The following ZNF469 variants were observed in gnomAD, a reference collection of about 807,000 sequenced individuals.
The protein encoded by ZNF469 is zinc finger protein 469.
A neutral mutation model predicts 1.0 loss-of-function variants in ZNF469; 1 was observed. The ratio of observed to expected loss-of-function variants is 1.00; its 90% confidence interval spans 0.35 to 4.73. The LOEUF (loss-of-function observed/expected upper bound fraction) is 4.73, where lower values mean the gene tolerates loss of function less well. ZNF469 is among the 30% of genes most tolerant of loss of function. The probability of loss-of-function intolerance (pLI) is 0.16; values close to 1 mark genes in which losing one functional copy is unlikely to be tolerated. For synonymous variants in ZNF469, 2,703 were observed against 2,363.4 expected (o/e 1.14, Z -4.17); for missense variants, 6,100 against 5,356.3 (o/e 1.14, Z -4.33).
Position 88,430,092 on chromosome 16 carries a change from C to T in ZNF469, c.2622C>T (p.Ser874=), listed in dbSNP as rs1906029557. The change falls in exon 3 of 3, where the codon TCC becomes TCT. Residue 874 remains serine, a synonymous_variant. Transcript: ENST00000565624. The part of the protein sequence containing the change: ...FIDVFADEEP[S]GPRGPSSGHP... Reference sequence around the variant, plus strand: ...ACGTCTTCGCGGACGAGGAGCCTTCCGGCCCCAGAGGTCCCAGCTCCGGAC... The same window carrying T: ...ACGTCTTCGCGGACGAGGAGCCTTCTGGCCCCAGAGGTCCCAGCTCCGGAC... 1 of 1,542,414 alleles carries T rather than the reference C, an allele frequency of 6.5e-7. No homozygotes were observed. Among genetic ancestry groups the T allele is most frequent in the African/African-American group, 1.5e-5 (1 of 66,218 alleles).
At chr16:88,394,882 G>A (rs1260648177) in intron 1 of ZNF469, among the ~76,000 whole-genome samples, 2 of 152,066 alleles carry the variant, frequency 1.3e-5, no homozygotes, top group Non-Finnish European at 2.9e-5. Context: ...CACTGGGCAG[G>A]CACCCAATCC....
At chr16:88,130,236 C>T in the ZNF469 span, among the ~76,000 whole-genome samples, 5 of 152,236 alleles carry the variant, frequency 3.3e-5, no homozygotes, top group Admixed American at 1.3e-4. Context: ...CCTCAAAAGC[C>T]GGGGTCGAGG....
chr16:88,264,240 G>A, the ZNF469 span, among the ~76,000 whole-genome samples: 27 of 151,654 alleles, frequency 1.8e-4, no homozygotes, highest in South Asian at 6.2e-4. Context: ...CTCCCACACC[G>A]AAACCCACAG....
the ZNF469 span, among the ~76,000 whole-genome samples, chr16:88,241,574 T>G: frequency 6.6e-6 from 1 of 152,098 alleles, no homozygotes; most frequent in Non-Finnish European, 1.5e-5. This position sits in a 1 kb window ranked among gnomAD's most constrained non-coding sequence, Gnocchi z 4.8. Flanking sequence ...TCCCTTGCAC[T>G]CATGACAGGC....
At chr16:88,113,795 G>A in the ZNF469 span, among the ~76,000 whole-genome samples, 11 of 152,310 alleles carry the variant, frequency 7.2e-5, no homozygotes, top group Admixed American at 1.3e-4. Context: ...GACACCCCCC[G>A]GTGCAGGCTG....
chr16:88,381,373 C>G (rs933272268), upstream of ZNF469, among the ~76,000 whole-genome samples: 8 of 139,060 alleles, frequency 5.8e-5, no homozygotes, highest in South Asian at 2.5e-4. Flanking sequence ...TGCACTCACA[C>G]ACAGAGACAT....
At chr16:88,187,189 G>C in the ZNF469 span, among the ~76,000 whole-genome samples, 2 of 151,966 alleles carry the variant, frequency 1.3e-5, no homozygotes, top group African/African-American at 4.8e-5. Context: ...AGCGGGTGGC[G>C]CAGGTTGGGG....
rs372569052 is a variant in ZNF469, at chr16:88,440,439, C to G, written c.*1107C>G. Reference sequence around the variant, plus strand: ...GGACGCACGTGTCCTCTCACAGCGTCGTGCCTGTGAAGGTGGGTCAAAGGG... The same window carrying G: ...GGACGCACGTGTCCTCTCACAGCGTGGTGCCTGTGAAGGTGGGTCAAAGGG... On this transcript the variant is annotated 3_prime_UTR_variant, in exon 3 of 3. Coordinates refer to ENST00000565624, the MANE Select transcript of ZNF469 (RefSeq NM_001367624.2). 1 of 152,120 alleles carries G rather than the reference C, an allele frequency of 6.6e-6. No homozygotes were observed. The highest frequency in any genetic ancestry group is 2.1e-4 in the South Asian group (1 of 4,830). 9.4% of individuals were successfully genotyped at this position (152,120 alleles called of 1,614,324 possible).
chr16:88,312,477 T>A, the ZNF469 span, among the ~76,000 whole-genome samples: 1 of 152,230 alleles, frequency 6.6e-6, no homozygotes. Flanking sequence ...TCTCCCCAAT[T>A]CTTCACTTGC....
the ZNF469 span, among the ~76,000 whole-genome samples, chr16:88,284,526 G>A: frequency 2.0e-5 from 3 of 149,852 alleles, no homozygotes; most frequent in Admixed American, 6.7e-5. Flanking sequence ...TGGGAGGATC[G>A]CTTGAGCCCA....
At chr16:88,160,990 C>G in the ZNF469 span, among the ~76,000 whole-genome samples, 1 of 152,046 alleles carries the variant, frequency 6.6e-6, no homozygotes, top group Non-Finnish European at 1.5e-5. Flanking sequence ...ATTAAAAATA[C>G]AAAAATTAGC....
intron 1 of ZNF469, among the ~76,000 whole-genome samples, chr16:88,407,007 A>G (rs1213166575): frequency 6.6e-6 from 1 of 152,196 alleles, no homozygotes; most frequent in African/African-American, 2.4e-5. Flanking sequence ...ATGTTTTAAG[A>G]GACCAGGAGA....
the ZNF469 span, among the ~76,000 whole-genome samples, chr16:88,375,230 C>G: frequency 1.3e-5 from 2 of 152,228 alleles, no homozygotes; most frequent in Non-Finnish European, 2.9e-5. Context: ...AGTTCACCTC[C>G]ATCCGGACTC....
chr16:88,350,095 G>A, the ZNF469 span, among the ~76,000 whole-genome samples: 2 of 152,146 alleles, frequency 1.3e-5, no homozygotes, highest in Non-Finnish European at 2.9e-5. Flanking sequence ...GAGAAGGGCA[G>A]TTCCTCCCGC....
chr16:88,410,954 G>A (rs1197537735), intron 1 of ZNF469, among the ~76,000 whole-genome samples: 10 of 152,156 alleles, frequency 6.6e-5, no homozygotes, highest in Middle Eastern at 3.4e-3. Flanking sequence ...GCTCGTGGCC[G>A]CCTCACTCCA....
At chr16:88,293,782 A>T in the ZNF469 span, among the ~76,000 whole-genome samples, 1 of 152,104 alleles carries the variant, frequency 6.6e-6, no homozygotes, top group Non-Finnish European at 1.5e-5. Context: ...TACAGTGTCC[A>T]ATTAGGATGG....
the ZNF469 span, among the ~76,000 whole-genome samples, chr16:88,212,233 C>T: frequency 7.9e-5 from 12 of 152,300 alleles, no homozygotes; most frequent in South Asian, 8.3e-4. Flanking sequence ...TTGTTCCAAA[C>T]GGATTGCCCC....
chr16:88,437,819 T>C lies in ZNF469; in HGVS notation c.10349T>C (p.Phe3450Ser). The part of the protein sequence containing the change: ...HLRGGRQPFA[F>S]RGVRRPGAPG... Reference sequence around the variant, plus strand: ...AGGGGGGGGCGGCAGCCCTTCGCGTTCCGCGGCGTGCGGAGGCCGGGAGCG... The same window carrying C: ...AGGGGGGGGCGGCAGCCCTTCGCGTCCCGCGGCGTGCGGAGGCCGGGAGCG... Residue 3450 changes from phenylalanine to serine, a missense_variant, in exon 3 of 3, where the codon TTC becomes TCC. Transcript: ENST00000565624. 6.5e-7 allele frequency: 1 copy of C among 1,542,822 alleles called. No individual in the cohort carries two copies. Among genetic ancestry groups the C allele is most frequent in the Non-Finnish European group, 8.8e-7 (1 of 1,141,346 alleles).
At chr16:88,333,144 G>C in the ZNF469 span, among the ~76,000 whole-genome samples, 36,497 of 152,026 alleles carry the variant, frequency 0.24, 4,950 homozygotes, top group Non-Finnish European at 0.31. Context: ...GGCAAAGCGA[G>C]TGTCCCCACA....
Sources: allele counts gnomAD v4.1 joint callset (sites outside exome capture counted in the v4.1 genomes callset), GRCh38; gene constraint gnomAD v4.1.1; non-coding constraint Gnocchi (gnomAD v3.1); transcripts MANE v1.5; gene names NCBI Gene and HGNC (gene_info 2026-07-23, HGNC 2026-07-21).